Variants in ESR2 observed in about 807,000 individuals in gnomAD.
ESR2 encodes estrogen receptor 2, also known as estrogen receptor beta.
ESR2 carries 36 observed loss-of-function variants against 49.6 expected under a neutral mutation model. The ratio of observed to expected loss-of-function variants is 0.73; its 90% CI spans 0.56 to 0.96. The LOEUF (loss-of-function observed/expected upper bound fraction) is 0.96. Among genes scored for constraint, ESR2 ranks in the 40% least tolerant of loss-of-function variants. The pLI, the probability that ESR2 is intolerant of heterozygous loss-of-function variation, is 0.00. For synonymous variants in ESR2, 320 were observed against 266.1 expected (o/e 1.20, Z -1.97); for missense variants, 714 against 693.0 (o/e 1.03, Z -0.34).
At chr14:64,318,925 C>G (rs1012560838) in intron 1 of ESR2, among the ~76,000 whole-genome samples, 1 of 151,980 alleles carries the variant, frequency 6.6e-6, no homozygotes, top group African/African-American at 2.4e-5. Flanking sequence ...CCTGTAATCC[C>G]AGCTACTAGG....
intron 1 of ESR2, among the ~76,000 whole-genome samples, chr14:64,318,965 C>T (rs981346395): frequency 3.3e-5 from 5 of 151,788 alleles, no homozygotes; most frequent in African/African-American, 1.2e-4. Context: ...CACTTGAGCC[C>T]AGGAGGTCAA....
At chr14:64,318,623 G>T (rs1246857650) in intron 1 of ESR2, among the ~76,000 whole-genome samples, 2 of 151,002 alleles carry the variant, frequency 1.3e-5, no homozygotes, top group Non-Finnish European at 2.9e-5. Flanking sequence ...AAATATGCTG[G>T]GTGTGGTGGC....
chr14:64,316,580 G>A (rs1310104488), intron 1 of ESR2, among the ~76,000 whole-genome samples: 4 of 150,806 alleles, frequency 2.7e-5, no homozygotes, highest in East Asian at 2.0e-4. Flanking sequence ...AGGCCAAGGT[G>A]GGTGGATCAC....
At chr14:64,267,500 A>G (rs1173493958) in intron 4 of ESR2, among the ~76,000 whole-genome samples, 1 of 152,150 alleles carries the variant, frequency 6.6e-6, no homozygotes, top group Non-Finnish European at 1.5e-5. Flanking sequence ...TAACTGAACT[A>G]TAATAGCTGA....
chr14:64,333,707 C>T (rs755510539), intron 1 of ESR2, among the ~76,000 whole-genome samples: 4 of 152,194 alleles, frequency 2.6e-5, no homozygotes, highest in East Asian at 3.9e-4. Flanking sequence ...TTATTCACTA[C>T]GACGAGAACA....
chr14:64,273,932 C>A (rs888246979), intron 3 of ESR2, among the ~76,000 whole-genome samples: 3 of 132,824 alleles, frequency 2.3e-5, no homozygotes, highest in Non-Finnish European at 4.6e-5. Context: ...CTTTTCTTTG[C>A]TGAGAGACTT....
At chr14:64,275,802 T>C (rs2076547445) in intron 3 of ESR2, among the ~76,000 whole-genome samples, 1 of 152,238 alleles carries the variant, frequency 6.6e-6, no homozygotes, top group Non-Finnish European at 1.5e-5. Context: ...ATTAACAGTG[T>C]TATATTATTC....
chr14:64,258,612 A>T (rs557710656), intron 5 of ESR2, among the ~76,000 whole-genome samples: 17 of 152,332 alleles, frequency 1.1e-4, no homozygotes, highest in African/African-American at 4.1e-4. Context: ...ACTACAGCAG[A>T]GAGAACACAC....
At chr14:64,286,435 G>T (rs1431692577) in intron 1 of ESR2, among the ~76,000 whole-genome samples, 1 of 151,854 alleles carries the variant, frequency 6.6e-6, no homozygotes, top group Non-Finnish European at 1.5e-5. Flanking sequence ...CTAGTAGCTG[G>T]GATTACAGGT....
At chr14:64,240,817 G>C (rs532100486) in intron 7 of ESR2, among the ~76,000 whole-genome samples, 2 of 152,250 alleles carry the variant, frequency 1.3e-5, no homozygotes, top group East Asian at 3.9e-4. Flanking sequence ...TTGCCCAACT[G>C]CAGGGTAATG....
At chr14:64,325,649 G>A (rs8004907) in intron 1 of ESR2, among the ~76,000 whole-genome samples, 21,473 of 152,070 alleles carry the variant, frequency 0.14, 2,059 homozygotes, top group African/African-American at 0.27. Flanking sequence ...CACTGATAAC[G>A]TGGATTTTCT....
chr14:64,267,595 G>A (rs1477469615), intron 4 of ESR2, among the ~76,000 whole-genome samples: 2 of 151,976 alleles, frequency 1.3e-5, no homozygotes, highest in African/African-American at 4.8e-5. Flanking sequence ...TGTCAGGGAG[G>A]GCTGGGTACA....
chr14:64,250,196 G>A (rs982033345), intron 6 of ESR2, among the ~76,000 whole-genome samples: 1 of 152,152 alleles, frequency 6.6e-6, no homozygotes, highest in Non-Finnish European at 1.5e-5. Context: ...TTAGAAACTT[G>A]TGTAGCAACT....
rs77952145 is a variant in ESR2 at position 64,331,185 on chromosome 14, T to C, written c.-91+6713A>G. Among the ~76,000 whole-genome samples, 30 of 152,240 alleles carry C rather than the reference T, an allele frequency of 2.0e-4. No individual in the cohort carries two copies. The East Asian group carries it at 5.4e-3, about 27-fold the overall frequency. On this transcript the variant is annotated intron_variant, in intron 1 of 8. Coordinates refer to the ESR2 transcript ENST00000358599. ...TGAAAATGAAAAATGGAAAAATACA[T>C]ACCATGCAATCTAAGAAATATTATC... is the stretch of plus-strand genomic sequence containing the variant.
chr14:64,316,800 C>T (rs946189281), intron 1 of ESR2, among the ~76,000 whole-genome samples: 7 of 152,074 alleles, frequency 4.6e-5, no homozygotes, highest in Non-Finnish European at 7.4e-5. Context: ...TGGACTAAGA[C>T]TCCATCTCAA....
intron 3 of ESR2, among the ~76,000 whole-genome samples, chr14:64,273,252 A>T (rs922942301): frequency 2.0e-5 from 3 of 152,220 alleles, no homozygotes; most frequent in African/African-American, 7.2e-5. Flanking sequence ...ATATAAGATC[A>T]TCAGCAAACT....
At chr14:64,300,181 G>A (rs769710690) in intron 1 of ESR2, among the ~76,000 whole-genome samples, 7 of 152,178 alleles carry the variant, frequency 4.6e-5, no homozygotes, top group Non-Finnish European at 7.3e-5. Context: ...CCAATTTGCT[G>A]ACAAGGAAAC....
intron 7 of ESR2, among the ~76,000 whole-genome samples, chr14:64,235,848 C>G (rs944786375): frequency 6.6e-6 from 1 of 152,192 alleles, no homozygotes; most frequent in Non-Finnish European, 1.5e-5. Flanking sequence ...CTGCCCTGCC[C>G]TGTGTTTAAC....
Position 64,282,904 on chromosome 14 carries a change from C to T in ESR2, c.82G>A (p.Gly28Ser), listed in dbSNP as rs181439439. 50 of 1,613,402 alleles carry T rather than the reference C, an allele frequency of 3.1e-5. No homozygotes were observed. The highest frequency in any genetic ancestry group is 5.0e-5 in the Admixed American group (3 of 60,020). ...TAGGAGGAAGGTATGTATATGGAGC[C>T]GTGCTCCAGGGGTAAGATGGATTGA... ...CSQSILPLEH[G>S]SIYIPSSYVD... The change falls in exon 2 of 9, where the codon GGC (glycine) becomes AGC (serine). Residue 28 changes from glycine (G) to serine (S), a missense_variant. Transcript: ENST00000341099.
Sources: gnomAD v4.1 joint callset for allele counts (sites outside exome capture counted in the v4.1 genomes callset) on GRCh38, gnomAD v4.1.1 for gene constraint, MANE v1.5 for transcripts, NCBI Gene and HGNC (gene_info 2026-07-23, HGNC 2026-07-21) for gene names.